GRIK5: variants seen among roughly 807,000 people sequenced by gnomAD.
GRIK5 encodes the protein glutamate receptor ionotropic, kainate 5.
In GRIK5, 43 loss-of-function variants were observed where a neutral mutation model predicts 97.4. The ratio of observed to expected loss-of-function variants is 0.44; its 90% CI spans 0.35 to 0.57. The LOEUF (loss-of-function observed/expected upper bound fraction) is 0.57, where lower values mean the gene tolerates loss of function less well. Among genes scored for constraint, GRIK5 ranks in the 20% least tolerant of loss-of-function variants. The pLI, the probability that GRIK5 is intolerant of heterozygous loss-of-function variation, is 0.01. For missense variants in GRIK5, 1,015 were observed against 1,382.0 expected, an observed-to-expected ratio of 0.73 and a Z score of 4.21; for synonymous variants, 580 against 583.5, an observed-to-expected ratio of 0.99 and a Z score of 0.09.
Position 42,002,521 on chromosome 19 carries a change from C to T in GRIK5, c.2514+811G>A, listed in dbSNP as rs1555871240. ...CCTTGGGCCAAGTGCAGAACACTGG[C>T]AGGCAGCTGGATGCAGAGCTGGGGT... On this transcript the variant is annotated intron_variant, in intron 19 of 19. Transcript: ENST00000593562. This position sits in a 1 kb window ranked among gnomAD's most constrained non-coding sequence, Gnocchi z 5.2. The T allele has an allele frequency of 2.8e-6, 2 of 705,884 alleles. No individual in the cohort carries two copies. Among genetic ancestry groups the T allele is most frequent in the Admixed American group, 4.0e-5 (2 of 49,448 alleles). The allele number at this position is 705,884 out of a possible 1,614,324, so 43.7% of individuals were successfully genotyped here.
At chr19:42,052,613 T>C (rs1422087166) in intron 11 of GRIK5, among the ~76,000 whole-genome samples, 1 of 152,240 alleles carries the variant, frequency 6.6e-6, no homozygotes, top group African/African-American at 2.4e-5. Context: ...CCACAGCGAA[T>C]AGCTGACACA....
At chr19:42,033,500 G>A (rs1335979535) in intron 12 of GRIK5, among the ~76,000 whole-genome samples, 3 of 152,086 alleles carry the variant, frequency 2.0e-5, no homozygotes, top group Admixed American at 6.6e-5. Flanking sequence ...AAAGATGGGT[G>A]GTTGCCAGGG....
At chr19:42,036,269 C>G (rs544412278) in intron 12 of GRIK5, among the ~76,000 whole-genome samples, 1 of 152,042 alleles carries the variant, frequency 6.6e-6, no homozygotes, top group Non-Finnish European at 1.5e-5. Context: ...ACCATGTTGG[C>G]GGGGCTGGTC....
At position 42,002,057 on chromosome 19, in the gene GRIK5, A is replaced by G; in HGVS notation, c.2514+1275T>C. 4.5e-6 allele frequency: 3 copies of G among 673,898 alleles called. No individual in the cohort carries two copies. In the South Asian group the frequency reaches 5.1e-5, roughly 11 times the overall value. 41.7% of individuals were successfully genotyped at this position (673,898 alleles called of 1,614,324 possible). On this transcript the variant is annotated intron_variant, in intron 19 of 19. Transcript: ENST00000593562. The surrounding 1 kb of genome is among the most constrained non-coding windows in gnomAD (Gnocchi z 5.2). Reference sequence around the variant, plus strand: ...GAAGGGGCTTTGAGGATTGAGAGTGACTGGCTGTGCCGAAGCCCACTGCTA... The same window carrying G: ...GAAGGGGCTTTGAGGATTGAGAGTGGCTGGCTGTGCCGAAGCCCACTGCTA...
intron 11 of GRIK5, among the ~76,000 whole-genome samples, chr19:42,051,066 G>A (rs28711705): frequency 0.047 from 7,128 of 152,272 alleles, 232 homozygotes; most frequent in Non-Finnish European, 0.067. Context: ...CCCTCTGTCC[G>A]CAGCAGAGAG....
intron 12 of GRIK5, among the ~76,000 whole-genome samples, chr19:42,039,772 G>A (rs2075955770): frequency 6.6e-6 from 1 of 152,154 alleles, no homozygotes; most frequent in South Asian, 2.1e-4. Flanking sequence ...TTAAGCCCAG[G>A]AGTTCAAGAC....
chr19:42,050,483 C>A (rs985795795), intron 11 of GRIK5, among the ~76,000 whole-genome samples: 1 of 151,722 alleles, frequency 6.6e-6, no homozygotes, highest in Non-Finnish European at 1.5e-5. Flanking sequence ...CACGGTGAAA[C>A]CCCGTCTCTA....
intron 11 of GRIK5, among the ~76,000 whole-genome samples, chr19:42,049,584 G>A (rs902213238): frequency 6.6e-6 from 1 of 152,188 alleles, no homozygotes; most frequent in Admixed American, 6.5e-5. Context: ...GCTGATCTGT[G>A]GTGACGGAAG....
At position 41,999,131 on chromosome 19, in the gene GRIK5, C is replaced by T. The variant is rs1555870267; in HGVS notation, c.2683G>A (p.Ala895Thr). The change falls in exon 20 of 20, where the codon GCG becomes ACG. Residue 895 changes from alanine to threonine, a missense_variant. Ala to Thr is a moderately conservative substitution (Grantham distance 58). Coordinates refer to ENST00000593562, the MANE Select transcript of GRIK5 (RefSeq NM_002088.5). This position sits in a 1 kb window ranked among gnomAD's most constrained non-coding sequence, Gnocchi z 5.0. ...TGCGCGCTGCCCGCATCCCCGCCCG[C>T]GCCGGCCGAGTAGAGCTTGCCGTTG... ...LSNGKLYSAG[A>T]GGDAGSAHGG... is the part of the protein sequence containing the mutation. 3 of 1,440,738 alleles carry T rather than the reference C, an allele frequency of 2.1e-6. No homozygotes were observed. The highest frequency in any genetic ancestry group is 2.7e-6 in the Non-Finnish European group (3 of 1,103,754). The allele number at this position is 1,440,738 out of a possible 1,614,324, so 89.2% of individuals were successfully genotyped here.
chr19:42,062,249 AGCAGAGGGCCTT>A lies in GRIK5; in HGVS notation c.508+227_508+238del, dbSNP rs1212945538. ...CACCCAGGGACCACGCCCAGGGCCT[AGCAGAGGGCCTT>A]GACATGGCAGGTGCTTAGTCACCAT... is the stretch of plus-strand genomic sequence containing the variant. On this transcript the variant is annotated intron_variant, in intron 5 of 19. Coordinates refer to ENST00000593562, the MANE Select transcript of GRIK5 (RefSeq NM_002088.5). The surrounding 1 kb of genome is among the most constrained non-coding windows in gnomAD (Gnocchi z 5.3). Among the ~76,000 whole-genome samples the A allele has an allele frequency of 6.6e-6, 1 of 152,174 alleles. No individual in the cohort carries two copies.
At chr19:42,018,157 A>C in intron 15 of GRIK5, among the ~76,000 whole-genome samples, 1 of 147,792 alleles carries the variant, frequency 6.8e-6, no homozygotes. Flanking sequence ...ACTAAAAAAA[A>C]AAAAAAAAAA....
chr19:42,026,132 C>T (rs1038067282), intron 12 of GRIK5, among the ~76,000 whole-genome samples: 75 of 151,574 alleles, frequency 4.9e-4, no homozygotes, highest in Admixed American at 4.6e-3. Flanking sequence ...ACCACAGGTG[C>T]GAGCCACTAC....
rs2075989756 is a variant in GRIK5, at chr19:42,042,516, G to T, written c.1473+36C>A. ...CTGCCCGCCCTCCCTCACTCGCCGG[G>T]TCCATGCATCTTTCCCGGCCCCAGT... On this transcript the variant is annotated intron_variant, in intron 12 of 19. Coordinates refer to ENST00000593562, the MANE Select transcript of GRIK5 (RefSeq NM_002088.5). This position sits in a 1 kb window ranked among gnomAD's most constrained non-coding sequence, Gnocchi z 6.9. 3 of 1,566,436 alleles carry T rather than the reference G, an allele frequency of 1.9e-6. No individual in the cohort carries two copies. The South Asian group carries it at 3.3e-5, about 17-fold the overall frequency.
Position 41,999,248 on chromosome 19 carries a change from G to T in GRIK5, c.2566C>A (p.Arg856Ser). Residue 856 changes from arginine (R) to serine (S), a missense_variant, in exon 20 of 20, where the codon CGC becomes AGC. Coordinates refer to ENST00000593562, the MANE Select transcript of GRIK5 (RefSeq NM_002088.5). This position sits in a 1 kb window ranked among gnomAD's most constrained non-coding sequence, Gnocchi z 5.0. The stretch of plus-strand genomic sequence containing the variant: ...CGCCGGCGGGAACGCGACGTCTTGC[G>T]GCAAGAAACGGCGTGGCGCAGCTCC... ...LQELRHAVSC[R>S]KTSRSRRRRR... 1 of 1,524,466 alleles carries T rather than the reference G, an allele frequency of 6.6e-7. No homozygotes were observed. The highest frequency in any genetic ancestry group is 8.8e-7 in the Non-Finnish European group (1 of 1,142,642). The allele number at this position is 1,524,466 out of a possible 1,614,324, so 94.4% of individuals were successfully genotyped here.
intron 15 of GRIK5, among the ~76,000 whole-genome samples, chr19:42,013,560 C>G (rs2075590331): frequency 6.6e-6 from 1 of 151,656 alleles, no homozygotes; most frequent in Admixed American, 6.6e-5. Flanking sequence ...CAGGCACCCG[C>G]CACCGCACCC....
rs1269459187 is a variant in GRIK5 at position 42,021,244 on chromosome 19, A to T, written c.1871+57T>A. 7.1e-7 allele frequency: 1 copy of T among 1,407,528 alleles called. No homozygotes were observed. Among genetic ancestry groups the T allele is most frequent in the Non-Finnish European group, 9.8e-7 (1 of 1,019,784 alleles). 87.2% of individuals were successfully genotyped at this position (1,407,528 alleles called of 1,614,324 possible). A position where few individuals can be genotyped will look rare whatever the true frequency, so the allele number is the denominator to read the frequency against. On this transcript the variant is annotated intron_variant, in intron 15 of 19. Transcript: ENST00000593562. The surrounding 1 kb of genome is among the most constrained non-coding windows in gnomAD (Gnocchi z 4.2). ...AGATGCCACAGCCCCAACCCCATCC[A>T]GGCCTCAGATGGGTCCCTCCCTCGC... is the stretch of plus-strand genomic sequence containing the variant.
chr19:41,999,802 T>C lies in GRIK5; in HGVS notation c.2515-503A>G, dbSNP rs1327565314. ...AGACAGAAGATAACAGACATGTATG[T>C]AGTGTGTTAGGCGTGGTGAGTGCTT... On this transcript the variant is annotated intron_variant, in intron 19 of 19. Coordinates refer to ENST00000593562, the MANE Select transcript of GRIK5 (RefSeq NM_002088.5). This position sits in a 1 kb window ranked among gnomAD's most constrained non-coding sequence, Gnocchi z 5.0. Among the ~76,000 whole-genome samples, 1 of 152,110 alleles carries C rather than the reference T, an allele frequency of 6.6e-6. No individual in the cohort carries two copies. Among genetic ancestry groups the C allele is most frequent in the Admixed American group, 6.6e-5 (1 of 15,264 alleles).
In GRIK5 at chr19:42,055,990, T is replaced by C. The variant is rs2076178819; in HGVS notation, c.903+672A>G. ...AAGCCACCATGCCTGGCCAATTTACTTTTTTTTTTTTTTGAGACGGAGTCT... is the reference window on the plus strand; with the variant it reads ...AAGCCACCATGCCTGGCCAATTTACCTTTTTTTTTTTTTGAGACGGAGTCT... On this transcript the variant is annotated intron_variant, in intron 8 of 19. Coordinates refer to ENST00000593562, the MANE Select transcript of GRIK5 (RefSeq NM_002088.5). 2.2e-5 allele frequency among the ~76,000 whole-genome samples: 3 copies of C among 138,048 alleles called. No homozygotes were observed. In the South Asian group the frequency reaches 6.9e-4, roughly 32 times the overall value. 90.6% of individuals were successfully genotyped at this position (138,048 alleles called of 152,430 possible). A position where few individuals can be genotyped will look rare whatever the true frequency, so the allele number is the denominator to read the frequency against.
rs1390594720 is a variant in GRIK5 at position 42,003,350 on chromosome 19, C to A, written c.2496G>T (p.Arg832Ser). The A allele has an allele frequency of 1.3e-5, 21 of 1,605,082 alleles. No homozygotes were observed. The highest frequency in any genetic ancestry group is 1.7e-5 in the Admixed American group (1 of 59,912). ...AVMEFIWSTR[R>S]SAESEEVSVC... Reference sequence around the variant, plus strand: ...TCCTCACCTCCTCGGACTCAGCTGACCTCCGTGTGGACCATATGAATTCCA... The same window carrying A: ...TCCTCACCTCCTCGGACTCAGCTGAACTCCGTGTGGACCATATGAATTCCA... The change falls in exon 19 of 20, where the codon AGG becomes AGT. Residue 832 changes from arginine to serine, a missense_variant. Transcript: ENST00000593562. The surrounding 1 kb of genome is among the most constrained non-coding windows in gnomAD (Gnocchi z 4.2).
Sources: gnomAD v4.1 joint callset for allele counts (sites outside exome capture counted in the v4.1 genomes callset) on GRCh38, gnomAD v4.1.1 for gene constraint, Gnocchi (gnomAD v3.1) non-coding constraint, MANE v1.5 for transcripts, NCBI Gene and HGNC (gene_info 2026-07-23, HGNC 2026-07-21) for gene names.